The following ATP2B2 variants were observed in gnomAD, a reference collection of about 807,000 sequenced individuals.
The protein encoded by ATP2B2 is plasma membrane calcium-transporting ATPase 2.
ATP2B2 carries 15 observed loss-of-function variants against 120.0 expected under a neutral mutation model. That is an observed-to-expected ratio of 0.12 (90% CI 0.08 to 0.19). The LOEUF is 0.19. Among genes scored for constraint, ATP2B2 ranks in the 10% least tolerant of loss-of-function variants. ATP2B2 has a pLI of 1.00. For synonymous variants in ATP2B2, 694 were observed against 700.3 expected (o/e 0.99, Z 0.14); for missense variants, 1,045 against 1,719.8 (o/e 0.61, Z 6.94).
At chr3:10,385,378 C>A (rs1222460190) in intron 7 of ATP2B2, 51 bp from the exon 8 acceptor site, 1 of 1,524,792 alleles carries the variant, frequency 6.6e-7, no homozygotes, top group African/African-American at 1.4e-5. Context: ...TGGAGAAAAG[C>A]AACAACGACA....
At chr3:10,662,002 G>A (rs2070794465) in intron 1 of ATP2B2, among the ~76,000 whole-genome samples, 2 of 152,220 alleles carry the variant, frequency 1.3e-5, no homozygotes, top group African/African-American at 4.8e-5. Context: ...AATGGGAAAA[G>A]GATTCCCTAT....
chr3:10,426,207 C>T (rs774952915), intron 2 of ATP2B2, among the ~76,000 whole-genome samples: 7 of 152,146 alleles, frequency 4.6e-5, no homozygotes, highest in Non-Finnish European at 8.8e-5. Flanking sequence ...CTTCGGAATG[C>T]TCTCATAGCT....
intron 2 of ATP2B2, among the ~76,000 whole-genome samples, chr3:10,600,357 T>C (rs1202474564): frequency 2.0e-5 from 3 of 152,136 alleles, no homozygotes; most frequent in Non-Finnish European, 4.4e-5. Flanking sequence ...CCAGGCTCTG[T>C]GCCCGCCCCT....
At chr3:10,498,509 G>GCCT (rs1242668024) in intron 1 of ATP2B2, among the ~76,000 whole-genome samples, 1 of 152,238 alleles carries the variant, frequency 6.6e-6, no homozygotes, top group African/African-American at 2.4e-5. Context: ...CCCGCCCACT[G>GCCT]CCTCCACAGC....
intron 3 of ATP2B2, among the ~76,000 whole-genome samples, chr3:10,406,457 T>C (rs910370323): frequency 2.6e-5 from 4 of 152,230 alleles, no homozygotes; most frequent in Non-Finnish European, 4.4e-5. Flanking sequence ...AATATTATAA[T>C]ACTGCATTTC....
chr3:10,380,604 C>A (rs150903719), intron 8 of ATP2B2, among the ~76,000 whole-genome samples: 1,544 of 152,282 alleles, frequency 0.01, 30 homozygotes, highest in African/African-American at 0.036. Context: ...GAGCTGGCCC[C>A]AAAGTGCGTG....
intron 14 of ATP2B2, among the ~76,000 whole-genome samples, chr3:10,354,332 C>G (rs2060655411): frequency 2.6e-5 from 4 of 152,158 alleles, no homozygotes; most frequent in Admixed American, 2.0e-4. Context: ...TTGAAATATG[C>G]TTCCCACATC....
chr3:10,641,521 T>C (rs1380433563), intron 1 of ATP2B2, among the ~76,000 whole-genome samples: 1 of 152,244 alleles, frequency 6.6e-6, no homozygotes, highest in South Asian at 2.1e-4. Flanking sequence ...ATACTAAATA[T>C]TTTTTCTAGT....
Position 10,338,761 on chromosome 3 carries a change from G to T in ATP2B2, c.3238-403C>A, listed in dbSNP as rs536161718. The T allele has an allele frequency of 2.9e-5, 9 of 309,458 alleles. No individual in the cohort carries two copies. The East Asian group carries it at 7.4e-4, about 25-fold the overall frequency. The allele number at this position is 309,458 out of a possible 1,614,324, so 19.2% of individuals were successfully genotyped here. On this transcript the variant is annotated intron_variant, in intron 21 of 22. Transcript: ENST00000360273. ...TTTTCCTAGCTGTAAAGTGGGGGCC[G>T]CTCTGGGCATGGTGAGAACTGGGCA...
rs370293661 is a variant in ATP2B2, at chr3:10,661,482, G to A, written c.-459-41521C>T. On this transcript the variant is annotated intron_variant, in intron 1 of 21. Coordinates refer to the ATP2B2 transcript ENST00000646379. ...AGACAAACAGAGAGCCAAATCATGA[G>A]TGAACTCCCATTCACAGTTGCTTCA... is the stretch of plus-strand genomic sequence containing the variant. Among the ~76,000 whole-genome samples, 30 of 152,274 alleles carry A rather than the reference G, an allele frequency of 2.0e-4. 1 individual carries two copies. The East Asian group carries it at 5.6e-3, about 28-fold the overall frequency.
At chr3:10,447,662 C>T (rs533573453) in intron 2 of ATP2B2, among the ~76,000 whole-genome samples, 1 of 152,316 alleles carries the variant, frequency 6.6e-6, no homozygotes, top group South Asian at 2.1e-4. Context: ...CCTCATGTGC[C>T]AACCTGATGG....
At chr3:10,505,724 CGGGAGGAGGGA>C (rs1289570061), upstream of ATP2B2, 13 of 65,706 alleles carry the variant, frequency 2.0e-4, no homozygotes, top group Non-Finnish European at 3.2e-4. Flanking sequence ...GGGATGGGGG[CGGGAGGAGGGA>C]GGGAGGGAGG....
chr3:10,690,729 C>T (rs2071644070), intron 1 of ATP2B2, among the ~76,000 whole-genome samples: 1 of 152,118 alleles, frequency 6.6e-6, no homozygotes, highest in African/African-American at 2.4e-5. Context: ...AGAAGGGCAG[C>T]AAAATCAGAT....
At chr3:10,704,525 G>C (rs1278984607) in intron 1 of ATP2B2, among the ~76,000 whole-genome samples, 1 of 149,386 alleles carries the variant, frequency 6.7e-6, no homozygotes, top group Non-Finnish European at 1.5e-5. Context: ...TAAATCTAGC[G>C]GGAAAGCCCT....
At position 10,521,488 on chromosome 3, in the gene ATP2B2, C is replaced by A. The variant is rs917172854; in HGVS notation, c.-320+12551G>T. ...TATGGACAGGTGTTTAATCTCTGGG[C>A]CATTTGTTCTTGATCCAGAATGATT... On this transcript the variant is annotated intron_variant, in intron 3 of 21. Coordinates refer to the ATP2B2 transcript ENST00000646379. Among the ~76,000 whole-genome samples the A allele has an allele frequency of 2.0e-5, 3 of 152,184 alleles. No individual in the cohort carries two copies. In the East Asian group the frequency reaches 5.8e-4, roughly 29 times the overall value.
intron 2 of ATP2B2, among the ~76,000 whole-genome samples, chr3:10,571,867 G>A (rs1315938014): frequency 2.6e-5 from 4 of 152,292 alleles, no homozygotes; most frequent in East Asian, 3.9e-4. Flanking sequence ...TCTCTAAAAC[G>A]GAGCTCTGGA....
At chr3:10,460,829 C>G (rs2064457321) in intron 1 of ATP2B2, among the ~76,000 whole-genome samples, 2 of 152,110 alleles carry the variant, frequency 1.3e-5, no homozygotes, top group African/African-American at 4.8e-5. Flanking sequence ...TGATTTCTGC[C>G]AGAACTGGGA....
chr3:10,481,522 G>A (rs543810284), intron 1 of ATP2B2, among the ~76,000 whole-genome samples: 6 of 152,134 alleles, frequency 3.9e-5, no homozygotes, highest in East Asian at 1.9e-4. Flanking sequence ...CGCTCTTCCC[G>A]CTGACTCTGC....
At position 10,340,224 on chromosome 3, in the gene ATP2B2, G is replaced by A. The variant is rs367679388; in HGVS notation, c.3237+18C>T. On this transcript the variant is annotated intron_variant, in intron 21 of 22. Coordinates refer to ENST00000360273, the MANE Select transcript of ATP2B2 (RefSeq NM_001001331.4). This position sits in a 1 kb window ranked among gnomAD's most constrained non-coding sequence, Gnocchi z 5.0. ...TGCCCTGCTAACAGGCACCTCCTGCGACCTACCAGGAACTTACCTGGCCCC... is the reference window on the plus strand; with the variant it reads ...TGCCCTGCTAACAGGCACCTCCTGCAACCTACCAGGAACTTACCTGGCCCC... 39 of 1,611,066 alleles carry A rather than the reference G, an allele frequency of 2.4e-5. No individual in the cohort carries two copies. Among genetic ancestry groups the A allele is most frequent in the South Asian group, 3.3e-5 (3 of 90,858 alleles).
Sources: gnomAD v4.1 joint callset for allele counts (sites outside exome capture counted in the v4.1 genomes callset) on GRCh38, gnomAD v4.1.1 for gene constraint, Gnocchi (gnomAD v3.1) non-coding constraint, MANE v1.5 for transcripts, NCBI Gene and HGNC (gene_info 2026-07-23, HGNC 2026-07-21) for gene names.